PRKN: variants seen among roughly 807,000 people sequenced by gnomAD.
The protein encoded by PRKN is parkin RBR E3 ubiquitin protein ligase.
Under a neutral mutation model 59.5 loss-of-function variants are expected in PRKN, and 56 were observed. The ratio of observed to expected loss-of-function variants is 0.94; its 90% CI spans 0.76 to 1.18. The LOEUF is 1.18. PRKN is among the 50% of genes most tolerant of loss of function. The pLI is 0.00. For synonymous variants in PRKN, 250 were observed against 222.1 expected, an observed-to-expected ratio of 1.13 and a Z score of -1.12; for missense variants, 657 against 596.4, an observed-to-expected ratio of 1.10 and a Z score of -1.06.
intron 1 of PRKN, among the ~76,000 whole-genome samples, chr6:162,662,271 T>C (rs962926555): frequency 6.6e-6 from 1 of 151,864 alleles, no homozygotes; most frequent in African/African-American, 2.4e-5. Context: ...GGTTACTTTT[T>C]TTTTTTTTTC....
chr6:161,517,258 G>A (rs1358958425), intron 9 of PRKN, among the ~76,000 whole-genome samples: 1 of 152,080 alleles, frequency 6.6e-6, no homozygotes, highest in African/African-American at 2.4e-5. Flanking sequence ...TATCTTTTTA[G>A]GTTCATTCGT....
chr6:162,481,313 A>G (rs1251916928), intron 1 of PRKN, among the ~76,000 whole-genome samples: 7 of 152,220 alleles, frequency 4.6e-5, no homozygotes. Context: ...CCTCATGTCC[A>G]TGGAGAGGTA....
chr6:162,235,846 G>T (rs1179204697), intron 3 of PRKN, among the ~76,000 whole-genome samples: 1 of 149,324 alleles, frequency 6.7e-6, no homozygotes, highest in African/African-American at 2.5e-5. Context: ...GGGAGGAAAG[G>T]AGGGAGGAAA....
At chr6:161,449,069 G>T (rs1789613848) in intron 9 of PRKN, among the ~76,000 whole-genome samples, 1 of 152,138 alleles carries the variant, frequency 6.6e-6, no homozygotes, top group Non-Finnish European at 1.5e-5. Flanking sequence ...ACATTGTCTG[G>T]GATAAATGGT....
chr6:161,876,831 G>A (rs1283039942), intron 6 of PRKN, among the ~76,000 whole-genome samples: 1 of 152,062 alleles, frequency 6.6e-6, no homozygotes, highest in Admixed American at 6.5e-5. Context: ...CTCAAACACT[G>A]ATAAAGATCC....
intron 5 of PRKN, among the ~76,000 whole-genome samples, chr6:162,050,262 C>T (rs1459948552): frequency 1.3e-5 from 2 of 152,100 alleles, no homozygotes; most frequent in Non-Finnish European, 2.9e-5. Flanking sequence ...CTTTTACTTT[C>T]GATGTTTTTC....
intron 9 of PRKN, among the ~76,000 whole-genome samples, chr6:161,432,860 T>C (rs1011114019): frequency 5.3e-5 from 8 of 152,178 alleles, no homozygotes; most frequent in South Asian, 2.1e-4. Flanking sequence ...ATTTAATATT[T>C]TTTCAACTCT....
chr6:162,639,332 A>T (rs1415880491), intron 1 of PRKN, among the ~76,000 whole-genome samples: 1 of 152,154 alleles, frequency 6.6e-6, no homozygotes, highest in Non-Finnish European at 1.5e-5. Context: ...GTAAATAAAA[A>T]ATGAATGTGT....
intron 6 of PRKN, among the ~76,000 whole-genome samples, chr6:161,927,191 TA>T (rs1178393730): frequency 2.0e-5 from 3 of 152,238 alleles, no homozygotes; most frequent in African/African-American, 7.2e-5. Context: ...AATCTTTTTA[TA>T]AGTGAATTTG....
chr6:162,372,394 G>A lies in PRKN; in HGVS notation c.171+70916C>T, dbSNP rs16893766. ...CATTTACACGCTGTGCTCCATTCAC[G>A]GCGCTGAGTTTACTCACACGTGCTA... is the stretch of plus-strand genomic sequence containing the variant. On this transcript the variant is annotated intron_variant, in intron 2 of 11. Transcript: ENST00000366898. 9.5e-3 allele frequency among the ~76,000 whole-genome samples: 1,448 copies of A among 152,180 alleles called. 25 individuals carry two copies. The highest frequency in any genetic ancestry group is 0.032 in the African/African-American group (1,341 of 41,522).
chr6:161,534,822 G>A (rs1417834230), intron 9 of PRKN, among the ~76,000 whole-genome samples: 1 of 152,172 alleles, frequency 6.6e-6, no homozygotes, highest in African/African-American at 2.4e-5. Context: ...ATATAAGAAA[G>A]AATATACTGA....
intron 2 of PRKN, among the ~76,000 whole-genome samples, chr6:162,266,129 G>A (rs1780120087): frequency 6.6e-6 from 1 of 152,106 alleles, no homozygotes; most frequent in African/African-American, 2.4e-5. Context: ...CTATCTTGAG[G>A]TTTCTATCCA....
At chr6:161,873,383 C>T (rs1794423509) in intron 6 of PRKN, among the ~76,000 whole-genome samples, 1 of 151,918 alleles carries the variant, frequency 6.6e-6, no homozygotes, top group Admixed American at 6.6e-5. Context: ...ACTATGCAAG[C>T]ATGAAATATA....
intron 6 of PRKN, among the ~76,000 whole-genome samples, chr6:161,852,178 A>G (rs1204245919): frequency 2.0e-5 from 3 of 151,922 alleles, no homozygotes; most frequent in Admixed American, 6.6e-5. Context: ...AGGAAGACAG[A>G]GAAGAAATAT....
intron 6 of PRKN, among the ~76,000 whole-genome samples, chr6:161,961,512 A>G (rs1780375565): frequency 2.0e-5 from 3 of 152,144 alleles, no homozygotes; most frequent in Admixed American, 2.0e-4. Flanking sequence ...CTTGGGGAAA[A>G]CTTAGCCTAA....
At chr6:161,885,325 G>C (rs1795093654) in intron 6 of PRKN, among the ~76,000 whole-genome samples, 1 of 152,028 alleles carries the variant, frequency 6.6e-6, no homozygotes, top group South Asian at 2.1e-4. Flanking sequence ...GGTTCACAGA[G>C]CAGATAAGGG....
intron 7 of PRKN, among the ~76,000 whole-genome samples, chr6:161,761,592 G>A (rs1189015325): frequency 6.6e-6 from 1 of 152,192 alleles, no homozygotes; most frequent in African/African-American, 2.4e-5. Flanking sequence ...GTAAGCATCA[G>A]CATCTGACCA....
chr6:162,177,232 A>C (rs1057322264), intron 4 of PRKN, among the ~76,000 whole-genome samples: 2 of 152,220 alleles, frequency 1.3e-5, no homozygotes, highest in Admixed American at 1.3e-4. Context: ...AAAAATTTTT[A>C]AAAATAGAAC....
intron 7 of PRKN, among the ~76,000 whole-genome samples, chr6:161,712,085 T>A (rs945046877): frequency 1.3e-5 from 2 of 152,310 alleles, no homozygotes; most frequent in African/African-American, 4.8e-5. Context: ...ATCCTATTAG[T>A]TCTGTCCCTC....
Sources: allele counts gnomAD v4.1 joint callset (sites outside exome capture counted in the v4.1 genomes callset), GRCh38; gene constraint gnomAD v4.1.1; transcripts MANE v1.5; gene names NCBI Gene and HGNC (gene_info 2026-07-23, HGNC 2026-07-21).